Variants in FLT1 observed in about 807,000 individuals in gnomAD.
FLT1 encodes the protein vascular endothelial growth factor receptor 1.
A neutral mutation model predicts 156.3 loss-of-function variants in FLT1; 49 were observed. That is an observed-to-expected ratio of 0.31 (90% CI 0.25 to 0.40). The LOEUF (loss-of-function observed/expected upper bound fraction) is 0.40, where lower values mean the gene tolerates loss of function less well. Among genes scored for constraint, FLT1 ranks in the 10% least tolerant of loss-of-function variants. The pLI, the probability that FLT1 is intolerant of heterozygous loss-of-function variation, is 1.00. For synonymous variants in FLT1, 594 were observed against 583.8 expected, an observed-to-expected ratio of 1.02 and a Z score of -0.25; for missense variants, 1,322 against 1,637.2, an observed-to-expected ratio of 0.81 and a Z score of 3.32.
chr13:28,319,263 C>T lies in FLT1; in HGVS notation c.3286+160G>A, dbSNP rs140989017. Among the ~76,000 whole-genome samples, 14 of 152,258 alleles carry T rather than the reference C, an allele frequency of 9.2e-5. No homozygotes were observed. In the South Asian group the frequency reaches 1.0e-3, roughly 11 times the overall value. On this transcript the variant is annotated intron_variant, in intron 24 of 29. Transcript: ENST00000282397. ...TTACAGTAGAGGGCAGACATGCGTA[C>T]GCCATTACTCATCTGAGAGTCTACA...
At chr13:28,400,143 T>C (rs554473961) in intron 11 of FLT1, among the ~76,000 whole-genome samples, 108 of 152,322 alleles carry the variant, frequency 7.1e-4, no homozygotes, top group Non-Finnish European at 1.4e-3. Context: ...ATAACACAGA[T>C]CTATTGGCAA....
rs564844959 is a variant in FLT1 at position 28,442,699 on chromosome 13, G to A, written c.389-4354C>T. On this transcript the variant is annotated intron_variant, in intron 3 of 29. Transcript: ENST00000282397. ...GTTTGCAAATGAGCATATGACTGTA[G>A]ATACACACACACACACACACACACA... Among the ~76,000 whole-genome samples, 15 of 106,748 alleles carry A rather than the reference G, an allele frequency of 1.4e-4. No individual in the cohort carries two copies. In the South Asian group the frequency reaches 4.6e-3, roughly 33 times the overall value. The allele number at this position is 106,748 out of a possible 152,430, so 70.0% of individuals were successfully genotyped here.
intron 13 of FLT1, chr13:28,385,983 C>A: frequency 9.5e-7 from 1 of 1,051,262 alleles, no homozygotes; most frequent in South Asian, 4.6e-5. Flanking sequence ...GTCTTTCCCA[C>A]CCTCCCAAGT....
At chr13:28,328,006 G>A (rs557410960) in intron 19 of FLT1, among the ~76,000 whole-genome samples, 1 of 152,126 alleles carries the variant, frequency 6.6e-6, no homozygotes, top group South Asian at 2.1e-4. Context: ...CAGTGTCTGC[G>A]CGATTTGCCT....
chr13:28,446,150 AT>A (rs528559245), intron 3 of FLT1, among the ~76,000 whole-genome samples: 16 of 152,342 alleles, frequency 1.1e-4, no homozygotes, highest in African/African-American at 2.9e-4. Flanking sequence ...ATTGCACTGA[AT>A]TTCCTCAACC....
intron 25 of FLT1, among the ~76,000 whole-genome samples, chr13:28,315,309 C>G (rs962373922): frequency 6.6e-6 from 1 of 152,224 alleles, no homozygotes; most frequent in Non-Finnish European, 1.5e-5. Context: ...AATCCCAACA[C>G]TTTGGGAGGC....
At chr13:28,387,378 A>AT in intron 13 of FLT1, 1 of 1,051,920 alleles carries the variant, frequency 9.5e-7, no homozygotes, top group Non-Finnish European at 1.1e-6. Context: ...CTATTTTGAC[A>AT]TTTTGAATAA....
Position 28,322,723 on chromosome 13 carries a change from T to G in FLT1, c.2953+67A>C. On this transcript the variant is annotated intron_variant, in intron 21 of 29. Coordinates refer to ENST00000282397, the MANE Select transcript of FLT1 (RefSeq NM_002019.4). This position sits in a 1 kb window ranked among gnomAD's most constrained non-coding sequence, Gnocchi z 4.3. ...ATTAGAGTGATAAATAAGAAAAAAA[T>G]TTCAGAGATGCATAGTATGTTGTAA... 6.7e-7 allele frequency: 1 copy of G among 1,492,076 alleles called. No homozygotes were observed. The highest frequency in any genetic ancestry group is 9.3e-7 in the Non-Finnish European group (1 of 1,072,474). The allele number at this position is 1,492,076 out of a possible 1,614,324, so 92.4% of individuals were successfully genotyped here. A position where few individuals can be genotyped will look rare whatever the true frequency, so the allele number is the denominator to read the frequency against.
intron 3 of FLT1, among the ~76,000 whole-genome samples, chr13:28,449,252 C>G (rs1276774125): frequency 6.6e-6 from 1 of 152,150 alleles, no homozygotes; most frequent in African/African-American, 2.4e-5. Flanking sequence ...GCCTGGGCGA[C>G]AGAGCAAGAC....
At chr13:28,471,292 T>A (rs1418328400) in intron 1 of FLT1, among the ~76,000 whole-genome samples, 1 of 152,164 alleles carries the variant, frequency 6.6e-6, no homozygotes, top group Non-Finnish European at 1.5e-5. Flanking sequence ...TATCCTTCAG[T>A]TAATAGGAAA....
intron 22 of FLT1, 128 bp from the exon 23 acceptor site, chr13:28,321,713 GCACA>G: frequency 1.1e-6 from 1 of 892,660 alleles, no homozygotes; most frequent in Admixed American, 1.9e-5. Flanking sequence ...ACCTCTCGGT[GCACA>G]CAGAGTTACC....
At position 28,404,043 on chromosome 13, in the gene FLT1, CAAAAA is replaced by C. The variant is rs67298705; in HGVS notation, c.1551+1732_1551+1736del. Among the ~76,000 whole-genome samples the C allele has an allele frequency of 1.7e-3, 240 of 139,746 alleles. 2 individuals carry two copies. Among genetic ancestry groups the C allele is most frequent in the African/African-American group, 6.2e-3 (232 of 37,338 alleles). The allele number at this position is 139,746 out of a possible 152,430, so 91.7% of individuals were successfully genotyped here. ...AGCAACAGAGTGAGACTCTTTGTCT[CAAAAA>C]AAAAAAAAAGAAAGAAAGAAAGAAA... On this transcript the variant is annotated intron_variant, in intron 11 of 29. Transcript: ENST00000282397.
At position 28,430,034 on chromosome 13, in the gene FLT1, A is replaced by G. The variant is rs1327247425; in HGVS notation, c.1106+16T>C. On this transcript the variant is annotated intron_variant, in intron 8 of 29. Transcript: ENST00000282397. ...AAGTATGTCTTAAACTGTTATGGAAATAAGGATGGTCCTACCATACAACTT... is the reference window on the plus strand; with the variant it reads ...AAGTATGTCTTAAACTGTTATGGAAGTAAGGATGGTCCTACCATACAACTT... 3.3e-6 allele frequency: 5 copies of G among 1,494,330 alleles called. No homozygotes were observed. Among genetic ancestry groups the G allele is most frequent in the Non-Finnish European group, 3.7e-6 (4 of 1,070,534 alleles). 92.6% of individuals were successfully genotyped at this position (1,494,330 alleles called of 1,614,324 possible). A position where few individuals can be genotyped will look rare whatever the true frequency, so the allele number is the denominator to read the frequency against.
intron 18 of FLT1, among the ~76,000 whole-genome samples, chr13:28,332,618 A>C (rs1871973924): frequency 6.6e-6 from 1 of 152,190 alleles, no homozygotes; most frequent in African/African-American, 2.4e-5. Context: ...GTATGGAGGA[A>C]AGAGCACTGC....
intron 1 of FLT1, among the ~76,000 whole-genome samples, chr13:28,478,200 G>A (rs1031893735): frequency 7.2e-5 from 11 of 152,124 alleles, no homozygotes; most frequent in Admixed American, 6.6e-4. Flanking sequence ...TTTCAGTTCT[G>A]CCAAAGGCAT....
chr13:28,489,511 GAGC>G (rs1184211171), intron 1 of FLT1, among the ~76,000 whole-genome samples: 3 of 152,204 alleles, frequency 2.0e-5, no homozygotes, highest in African/African-American at 7.2e-5. Flanking sequence ...GGCTACAGGA[GAGC>G]AGAAGAAATG....
In FLT1 at chr13:28,300,985, T is replaced by G. The variant is rs1326410726; in HGVS notation, c.*2182A>C. The G allele has an allele frequency of 4.3e-6, 1 of 232,800 alleles. No homozygotes were observed. Among genetic ancestry groups the G allele is most frequent in the Non-Finnish European group, 8.5e-6 (1 of 117,836 alleles). 14.4% of individuals were successfully genotyped at this position (232,800 alleles called of 1,614,324 possible). On this transcript the variant is annotated 3_prime_UTR_variant, in exon 30 of 30. Coordinates refer to ENST00000282397, the MANE Select transcript of FLT1 (RefSeq NM_002019.4). ...ATGGAACCATTCTTTGACTGATGGATGGACTCATGTATGCTACAAACCTGA... is the reference window on the plus strand; with the variant it reads ...ATGGAACCATTCTTTGACTGATGGAGGGACTCATGTATGCTACAAACCTGA...
intron 4 of FLT1, 49 bp downstream of exon 4, chr13:28,438,172 T>G (rs1051017747): frequency 9.4e-6 from 15 of 1,587,370 alleles, no homozygotes; most frequent in Admixed American, 1.7e-5. Context: ...AACTTCATTA[T>G]GCTTATTTGC....
intron 11 of FLT1, among the ~76,000 whole-genome samples, chr13:28,403,800 T>C (rs1178594349): frequency 6.6e-6 from 1 of 152,132 alleles, no homozygotes; most frequent in East Asian, 1.9e-4. Flanking sequence ...TCCCAGAACT[T>C]TGGGAAGCCA....
Sources: gnomAD v4.1 joint callset for allele counts (sites outside exome capture counted in the v4.1 genomes callset) on GRCh38, gnomAD v4.1.1 for gene constraint, Gnocchi (gnomAD v3.1) non-coding constraint, MANE v1.5 for transcripts, NCBI Gene and HGNC (gene_info 2026-07-23, HGNC 2026-07-21) for gene names.